The following PNMA8A variants were observed in gnomAD, a reference collection of about 807,000 sequenced individuals.
The protein encoded by PNMA8A is paraneoplastic antigen-like protein 8A.
PNMA8A carries 17 observed loss-of-function variants against 26.6 expected under a neutral mutation model. The observed-to-expected ratio is 0.64, with a 90% CI of 0.44 to 0.96. The LOEUF is 0.96. Ranked by LOEUF, PNMA8A falls within the 40% of genes least tolerant of loss-of-function variation. The probability of loss-of-function intolerance (pLI) is 0.00; values close to 1 mark genes in which losing one functional copy is unlikely to be tolerated. For synonymous variants in PNMA8A, 224 were observed against 182.0 expected (o/e 1.23, Z -1.86); for missense variants, 532 against 488.4 (o/e 1.09, Z -0.84).
Position 46,468,415 on chromosome 19 carries a change from T to A in PNMA8A, c.*146A>T. Reference sequence around the variant, plus strand: ...CCCCAACTCCCTCCCACCCAAGACCTCACCTATCGTTTACCTCAGGGCCAG... The same window carrying A: ...CCCCAACTCCCTCCCACCCAAGACCACACCTATCGTTTACCTCAGGGCCAG... On this transcript the variant is annotated 3_prime_UTR_variant, in exon 3 of 3. Transcript: ENST00000313683. 1,360 of 456,582 alleles carry A rather than the reference T, an allele frequency of 3.0e-3. No individual in the cohort carries two copies. Among genetic ancestry groups the A allele is most frequent in the East Asian group, 4.7e-3 (103 of 22,148 alleles). The allele number at this position is 456,582 out of a possible 1,614,324, so 28.3% of individuals were successfully genotyped here.
rs895930107 is a variant in PNMA8A at position 46,468,339 on chromosome 19, G to A, written c.*222C>T. ...CGAAGAGAAGGTGAGTAGAGAAGGC[G>A]GTGAAACGGCAGGCCTGGTAGAGAA... On this transcript the variant is annotated 3_prime_UTR_variant, in exon 3 of 3. Coordinates refer to ENST00000313683, the MANE Select transcript of PNMA8A (RefSeq NM_018215.4). 4.0e-5 allele frequency: 20 copies of A among 504,926 alleles called. No individual in the cohort carries two copies. Among genetic ancestry groups the A allele is most frequent in the Middle Eastern group, 4.7e-4 (1 of 2,120 alleles). 31.3% of individuals were successfully genotyped at this position (504,926 alleles called of 1,614,324 possible).
At position 46,469,233 on chromosome 19, in the gene PNMA8A, C is replaced by G. The variant is rs377253598; in HGVS notation, c.1303+500G>C. 1.1e-4 allele frequency among the ~76,000 whole-genome samples: 16 copies of G among 151,454 alleles called. No homozygotes were observed. In the East Asian group the frequency reaches 1.7e-3, roughly 16 times the overall value. The stretch of plus-strand genomic sequence containing the variant: ...AAGAGATTCTCCTGCCTCAGCCTCC[C>G]GAGTAGCTGGGATTACAGGTATGTG... On this transcript the variant is annotated intron_variant, in intron 2 of 2. Transcript: ENST00000313683.
chr19:46,469,950 C>T lies in PNMA8A; in HGVS notation c.1086G>A (p.Arg362=). Residue 362 remains arginine, a synonymous_variant, in exon 2 of 3, where the codon AGG becomes AGA. Transcript: ENST00000313683. ...GGCCCAAGCTCACCTTCTTCTTCTT[C>T]CTCATGGGAGCGGGGTTCTTGGCAG... ...WVSAKNPAPM[R]KKKKVSLGPV... The T allele has an allele frequency of 1.2e-6, 2 of 1,613,998 alleles. No individual in the cohort carries two copies. Among genetic ancestry groups the T allele is most frequent in the Non-Finnish European group, 1.7e-6 (2 of 1,179,944 alleles).
At chr19:46,469,294 G>A (rs1258925560) in intron 2 of PNMA8A, among the ~76,000 whole-genome samples, 1 of 151,692 alleles carries the variant, frequency 6.6e-6, no homozygotes, top group African/African-American at 2.4e-5. Context: ...ATTTTTAGTA[G>A]AGACGGGGTT....
In PNMA8A at chr19:46,466,724, ACT is replaced by A. The variant is rs1969711754; in HGVS notation, c.*1835_*1836del. On this transcript the variant is annotated 3_prime_UTR_variant, in exon 3 of 3. Transcript: ENST00000313683. ...AGCTGTGTAGCTGCAAACGGAAACC[ACT>A]CTCTTTTCTCTCGTATTTTTCAGTC... 1 of 151,822 alleles carries A rather than the reference ACT, an allele frequency of 6.6e-6. No individual in the cohort carries two copies. Among genetic ancestry groups the A allele is most frequent in the Admixed American group, 6.6e-5 (1 of 15,220 alleles). 9.4% of individuals were successfully genotyped at this position (151,822 alleles called of 1,614,324 possible). A position where few individuals can be genotyped will look rare whatever the true frequency, so the allele number is the denominator to read the frequency against.
Position 46,467,273 on chromosome 19 carries a change from T to G in PNMA8A, c.*1288A>C, listed in dbSNP as rs1251868928. The G allele has an allele frequency of 1.3e-5, 2 of 152,102 alleles. No homozygotes were observed. Among genetic ancestry groups the G allele is most frequent in the Non-Finnish European group, 2.9e-5 (2 of 68,026 alleles). The allele number at this position is 152,102 out of a possible 1,614,324, so 9.4% of individuals were successfully genotyped here. A position where few individuals can be genotyped will look rare whatever the true frequency, so the allele number is the denominator to read the frequency against. On this transcript the variant is annotated 3_prime_UTR_variant, in exon 3 of 3. Transcript: ENST00000313683. Reference sequence around the variant, plus strand: ...ATTACATCTTTGTGGACGGCTACGATACAGTTTGGAAACCATTATCTCAGG... The same window carrying G: ...ATTACATCTTTGTGGACGGCTACGAGACAGTTTGGAAACCATTATCTCAGG...
Position 46,470,246 on chromosome 19 carries a change from T to C in PNMA8A, c.790A>G (p.Asn264Asp). The C allele has an allele frequency of 1.2e-6, 2 of 1,614,108 alleles. No individual in the cohort carries two copies. The highest frequency in any genetic ancestry group is 1.7e-6 in the Non-Finnish European group (2 of 1,180,046). The change falls in exon 2 of 3, where the codon AAT (asparagine) becomes GAT (aspartate). Residue 264 changes from asparagine to aspartate, a missense_variant. By Grantham distance (23) the Asn-to-Asp change is conservative. Transcript: ENST00000313683. ...TCCAAGTTAGCTGTGCTGTTGGAAT[T>C]GATGCCTTTGGGTTTTTTCCAGGGC... Reference protein sequence around the residue: ...AVPWKKPKGINSNSTANLEDP... With the variant: ...AVPWKKPKGIDSNSTANLEDP...
chr19:46,470,032 G>A lies in PNMA8A; in HGVS notation c.1004C>T (p.Ser335Leu). The A allele has an allele frequency of 4.4e-6, 7 of 1,598,410 alleles. No individual in the cohort carries two copies. The highest frequency in any genetic ancestry group is 1.1e-5 in the South Asian group (1 of 88,236). Residue 335 changes from serine to leucine, a missense_variant, in exon 2 of 3, where the codon TCA becomes TTA. Coordinates refer to ENST00000313683, the MANE Select transcript of PNMA8A (RefSeq NM_018215.4). The part of the protein sequence containing the change: ...EAESPGGASE[S>L]DQDGGHESPP... ...GCTTTCATGGCCACCATCTTGGTCT[G>A]ACTCAGAGGCGCCTCCTGGGCTCTC...
In PNMA8A at chr19:46,468,419, C is replaced by T. The variant is rs1000414505; in HGVS notation, c.*142G>A. 4.3e-6 allele frequency: 3 copies of T among 693,528 alleles called. No individual in the cohort carries two copies. In the African/African-American group the frequency reaches 5.3e-5, roughly 12 times the overall value. 43.0% of individuals were successfully genotyped at this position (693,528 alleles called of 1,614,324 possible). A position where few individuals can be genotyped will look rare whatever the true frequency, so the allele number is the denominator to read the frequency against. On this transcript the variant is annotated 3_prime_UTR_variant, in exon 3 of 3. Coordinates refer to ENST00000313683, the MANE Select transcript of PNMA8A (RefSeq NM_018215.4). The stretch of plus-strand genomic sequence containing the variant: ...AACTCCCTCCCACCCAAGACCTCAC[C>T]TATCGTTTACCTCAGGGCCAGATCT...
At position 46,468,546 on chromosome 19, in the gene PNMA8A, G is replaced by A. The variant is rs150918346; in HGVS notation, c.*15C>T. ...CCTTGTTCTTTCAACTCCTCAGTAT[G>A]GGTGGTCCCCCAGATCAAACCTTTC... On this transcript the variant is annotated 3_prime_UTR_variant, in exon 3 of 3. Transcript: ENST00000313683. The A allele has an allele frequency of 4.3e-6, 7 of 1,611,778 alleles. No homozygotes were observed. The South Asian group carries it at 4.4e-5, about 10-fold the overall frequency.
chr19:46,468,398 C>A lies in PNMA8A; in HGVS notation c.*163G>T. The A allele has an allele frequency of 1.5e-4, 78 of 523,290 alleles. No individual in the cohort carries two copies. The highest frequency in any genetic ancestry group is 1.6e-4 in the Non-Finnish European group (45 of 281,748). 32.4% of individuals were successfully genotyped at this position (523,290 alleles called of 1,614,324 possible). On this transcript the variant is annotated 3_prime_UTR_variant, in exon 3 of 3. Transcript: ENST00000313683. ...AGAGATCCACCTCCCTTCCCCAACT[C>A]CCTCCCACCCAAGACCTCACCTATC...
rs939176389 is a variant in PNMA8A at position 46,468,522 on chromosome 19, C to T, written c.*39G>A. 7 of 1,604,820 alleles carry T rather than the reference C, an allele frequency of 4.4e-6. No homozygotes were observed. Among genetic ancestry groups the T allele is most frequent in the Non-Finnish European group, 6.0e-6 (7 of 1,171,638 alleles). ...AACTTGGTTGACTTGGTACTTCTTC[C>T]TTGTTCTTTCAACTCCTCAGTATGG... On this transcript the variant is annotated 3_prime_UTR_variant, in exon 3 of 3. Transcript: ENST00000313683.
At position 46,471,393 on chromosome 19, in the gene PNMA8A, C is replaced by T; in HGVS notation, c.-136G>A. The T allele has an allele frequency of 5.5e-6, 1 of 183,246 alleles. No individual in the cohort carries two copies. Among genetic ancestry groups the T allele is most frequent in the Non-Finnish European group, 1.1e-5 (1 of 88,974 alleles). The allele number at this position is 183,246 out of a possible 1,614,324, so 11.4% of individuals were successfully genotyped here. ...GCCAAGGAGACGCAGTGGAATGCAG[C>T]CGTTTCCCAGTCGCTGGCTCCGGCT... is the stretch of plus-strand genomic sequence containing the variant. On this transcript the variant is annotated 5_prime_UTR_variant, in exon 1 of 3. Transcript: ENST00000313683.
At position 46,466,712 on chromosome 19, in the gene PNMA8A, C is replaced by T. The variant is rs190334352; in HGVS notation, c.*1849G>A. 181 of 152,246 alleles carry T rather than the reference C, an allele frequency of 1.2e-3. No homozygotes were observed. The highest frequency in any genetic ancestry group is 4.2e-3 in the African/African-American group (176 of 41,546). 9.4% of individuals were successfully genotyped at this position (152,246 alleles called of 1,614,324 possible). On this transcript the variant is annotated 3_prime_UTR_variant, in exon 3 of 3. Transcript: ENST00000313683. ...GTCGATGCACACAGCTGTGTAGCTG[C>T]AAACGGAAACCACTCTCTTTTCTCT...
rs771820403 is a variant in PNMA8A at position 46,471,018 on chromosome 19, C to A, written c.18G>T (p.Ala6=). 1.3e-6 allele frequency: 1 copy of A among 773,242 alleles called. No homozygotes were observed. Among genetic ancestry groups the A allele is most frequent in the South Asian group, 1.4e-5 (1 of 73,948 alleles). 47.9% of individuals were successfully genotyped at this position (773,242 alleles called of 1,614,324 possible). The change falls in exon 2 of 3, where the codon GCG becomes GCT. Residue 6 remains alanine (A), a synonymous_variant. Coordinates refer to ENST00000313683, the MANE Select transcript of PNMA8A (RefSeq NM_018215.4). The part of the protein sequence containing the change: MSKTM[A]MNLLEDWCRG... ...TGCACCAATCCTCCAGAAGGTTCAT[C>A]GCCATGGTCTTGGACATTTAGCGGC...
rs769339913 is a variant in PNMA8A, at chr19:46,470,898, G to A, written c.138C>T (p.Val46=). 95 of 780,768 alleles carry A rather than the reference G, an allele frequency of 1.2e-4. 1 individual carries two copies. The highest frequency in any genetic ancestry group is 6.9e-4 in the Admixed American group (41 of 59,012). 48.4% of individuals were successfully genotyped at this position (780,768 alleles called of 1,614,324 possible). A position where few individuals can be genotyped will look rare whatever the true frequency, so the allele number is the denominator to read the frequency against. ...CGCGGTACGGGCCCAGTGGGGAGAGGACCCCATTCAAGGTCTCCTCAATTT... is the reference window on the plus strand; with the variant it reads ...CGCGGTACGGGCCCAGTGGGGAGAGAACCCCATTCAAGGTCTCCTCAATTT... The part of the protein sequence containing the change: ...QAEIEETLNG[V]LSPLGPYRVL... Residue 46 remains valine (V), a synonymous_variant, in exon 2 of 3, where the codon GTC becomes GTT. Coordinates refer to ENST00000313683, the MANE Select transcript of PNMA8A (RefSeq NM_018215.4).
At chr19:46,471,162 A>G (rs1340046850) in intron 1 of PNMA8A, 48 bp from the exon 2 acceptor site, 1 of 600,202 alleles carries the variant, frequency 1.7e-6, no homozygotes, top group Admixed American at 2.9e-5. Context: ...AAGATGACCA[A>G]GCTCACAGAT....
chr19:46,470,607 TG>T lies in PNMA8A; in HGVS notation c.428del (p.Pro143GlnfsTer48). 2 of 1,612,652 alleles carry T rather than the reference TG, an allele frequency of 1.2e-6. No homozygotes were observed. The highest frequency in any genetic ancestry group is 1.7e-6 in the Non-Finnish European group (2 of 1,178,636). On this transcript the variant is annotated frameshift_variant, in exon 2 of 3. Coordinates refer to ENST00000313683, the MANE Select transcript of PNMA8A (RefSeq NM_018215.4). LOFTEE classifies it high-confidence loss of function. Reference sequence around the variant, plus strand: ...CCCCCAGAGCTTCTGCCCAGTTCTCTGGGGGCTGATGCTGGTTCTGGGACAG... The same window carrying T: ...CCCCCAGAGCTTCTGCCCAGTTCTCTGGGGCTGATGCTGGTTCTGGGACAG... ...PTLSQNQHQP[P>X]ENWAEALGVL...
chr19:46,469,856 CT>C lies in PNMA8A; in HGVS notation c.1179del (p.Gly394AlafsTer54), dbSNP rs1474245778. 1 of 1,614,138 alleles carries C rather than the reference CT, an allele frequency of 6.2e-7. No homozygotes were observed. Among genetic ancestry groups the C allele is most frequent in the Non-Finnish European group, 8.5e-7 (1 of 1,180,058 alleles). ...RKKPVMPKKG[P>X]GSRREASDQK... is the part of the protein sequence containing the mutation. ...TGATCTGATGCCTCCCTTCTTGAGC[CT>C]GGCCCTTTCTTTGGCATCACCGGCT... On this transcript the variant is annotated frameshift_variant, in exon 2 of 3. Transcript: ENST00000313683. LOFTEE classifies it high-confidence loss of function.
Sources: allele counts gnomAD v4.1 joint callset (sites outside exome capture counted in the v4.1 genomes callset), GRCh38; gene constraint gnomAD v4.1.1; transcripts MANE v1.5; gene names NCBI Gene and HGNC (gene_info 2026-07-23, HGNC 2026-07-21).